KLRK1: variants seen among roughly 807,000 people sequenced by gnomAD.
KLRK1 encodes the protein NKG2-D type II integral membrane protein.
A neutral mutation model predicts 31.3 loss-of-function variants in KLRK1; 40 were observed. The ratio of observed to expected loss-of-function variants is 1.28; its 90% CI spans 0.99 to 1.67. KLRK1 has a LOEUF of 1.67. Among genes scored for constraint, KLRK1 ranks in the 40% most tolerant of loss-of-function variants. The probability of loss-of-function intolerance (pLI) is 0.00; values close to 1 mark genes in which losing one functional copy is unlikely to be tolerated. For missense variants in KLRK1, 251 were observed against 260.0 expected, an observed-to-expected ratio of 0.97 and a Z score of 0.24; for synonymous variants, 77 against 77.3, an observed-to-expected ratio of 1.00 and a Z score of 0.02.
chr12:10,385,744 C>T (rs1351368625), intron 3 of KLRK1, among the ~76,000 whole-genome samples: 1 of 151,848 alleles, frequency 6.6e-6, no homozygotes, highest in Admixed American at 6.6e-5. Flanking sequence ...TTTCAGATAG[C>T]TAGAAGAGAA....
chr12:10,372,942 C>A lies in KLRK1; in HGVS notation c.*172G>T. 1.7e-6 allele frequency: 1 copy of A among 594,648 alleles called. No homozygotes were observed. The highest frequency in any genetic ancestry group is 2.9e-6 in the Non-Finnish European group (1 of 345,252). 36.8% of individuals were successfully genotyped at this position (594,648 alleles called of 1,614,324 possible). A position where few individuals can be genotyped will look rare whatever the true frequency, so the allele number is the denominator to read the frequency against. ...TCTTCTTTTGTCTTGGAGAATCATG[C>A]ATGTTTGCAGTGAAATTGTTCTATG... On this transcript the variant is annotated 3_prime_UTR_variant, in exon 8 of 8. Coordinates refer to ENST00000240618, the MANE Select transcript of KLRK1 (RefSeq NM_007360.4).
At chr12:10,376,494 A>G (rs1196293060) in intron 7 of KLRK1, among the ~76,000 whole-genome samples, 1 of 152,200 alleles carries the variant, frequency 6.6e-6, no homozygotes, top group Non-Finnish European at 1.5e-5. Flanking sequence ...AATGGAAACA[A>G]AAAGTAGTAT....
chr12:10,386,116 G>A (rs1863163252), intron 3 of KLRK1, among the ~76,000 whole-genome samples: 1 of 151,446 alleles, frequency 6.6e-6, no homozygotes, highest in Non-Finnish European at 1.5e-5. Context: ...TTGACGGACT[G>A]TCAATTTTTT....
At chr12:10,378,470 T>TATATGTTCTAGGTTCATATTCCA in intron 6 of KLRK1, 84 bp downstream of exon 6, 1 of 1,569,560 alleles carries the variant, frequency 6.4e-7, no homozygotes, top group Non-Finnish European at 8.6e-7. Context: ...CAGTGTCCCT[T>TATATGTTCTAGGTTCATATTCCA]ATATGTTCTA....
chr12:10,374,630 G>C (rs1253091661), intron 7 of KLRK1, among the ~76,000 whole-genome samples: 2 of 143,246 alleles, frequency 1.4e-5, no homozygotes, highest in Non-Finnish European at 3.1e-5. Flanking sequence ...CCTGACCTCA[G>C]GTCCTCCCAA....
rs1468829399 is a variant in KLRK1 at position 10,378,141 on chromosome 12, G to A, written c.524C>T (p.Ser175Leu). The change falls in exon 7 of 8, where the codon TCA (serine) becomes TTA (leucine). Residue 175 changes from serine (S) to leucine (L), a missense_variant. Ser to Leu is a moderately radical substitution (Grantham distance 145, BLOSUM62 -2). Coordinates refer to ENST00000240618, the MANE Select transcript of KLRK1 (RefSeq NM_007360.4). ...TGGGTCAGAGACTTACAGGTTGGGT[G>A]AGAGAATGGAGCCATCTTCCCACTG... ...SWQWEDGSIL[S>L]PNLLTIIEMQ... The A allele has an allele frequency of 1.9e-6, 3 of 1,614,020 alleles. No homozygotes were observed. Among genetic ancestry groups the A allele is most frequent in the Middle Eastern group, 1.7e-4 (1 of 6,060 alleles).
chr12:10,382,568 C>G (rs1863095590), intron 3 of KLRK1, among the ~76,000 whole-genome samples: 1 of 152,078 alleles, frequency 6.6e-6, no homozygotes, highest in Non-Finnish European at 1.5e-5. Context: ...ACCACCAGAC[C>G]TGTCTTACAT....
At position 10,377,622 on chromosome 12, in the gene KLRK1, G is replaced by A. The variant is rs548062738; in HGVS notation, c.533+510C>T. On this transcript the variant is annotated intron_variant, in intron 7 of 7. Transcript: ENST00000240618. ...AACTGATTGACTGGAAAGAGAAAGAGGTAAGGACATAGGGACACAGAGGAG... is the reference window on the plus strand; with the variant it reads ...AACTGATTGACTGGAAAGAGAAAGAAGTAAGGACATAGGGACACAGAGGAG... Among the ~76,000 whole-genome samples the A allele has an allele frequency of 2.0e-5, 3 of 152,274 alleles. No individual in the cohort carries two copies. In the South Asian group the frequency reaches 6.2e-4, roughly 32 times the overall value.
rs1390913126 is a variant in KLRK1 at position 10,373,123 on chromosome 12, C to T, written c.642G>A (p.Arg214=). The part of the protein sequence containing the change: ...STPNTYICMQ[R]TV ...AGATGGTTGATCATCTTTACACAGTCCTTTGCATGCAGATGTACGTATTTG... is the reference window on the plus strand; with the variant it reads ...AGATGGTTGATCATCTTTACACAGTTCTTTGCATGCAGATGTACGTATTTG... The change falls in exon 8 of 8, where the codon AGG becomes AGA. Residue 214 remains arginine, a synonymous_variant. Transcript: ENST00000240618. 1 of 1,612,026 alleles carries T rather than the reference C, an allele frequency of 6.2e-7. No homozygotes were observed. Among genetic ancestry groups the T allele is most frequent in the Middle Eastern group, 1.7e-4 (1 of 6,060 alleles).
chr12:10,377,474 A>G (rs1050903305), intron 7 of KLRK1, among the ~76,000 whole-genome samples: 23 of 152,232 alleles, frequency 1.5e-4, no homozygotes, highest in Non-Finnish European at 3.1e-4. Context: ...TACTCATGCA[A>G]TGAGATGGCT....
At chr12:10,382,202 C>T (rs186017493) in intron 3 of KLRK1, 1 of 152,348 alleles carries the variant, frequency 6.6e-6, no homozygotes, top group East Asian at 1.9e-4. Flanking sequence ...AGAAAACTTT[C>T]CAAACCCAGA....
At chr12:10,378,851 C>G in intron 5 of KLRK1, 146 bp from the exon 6 acceptor site, 1 of 980,720 alleles carries the variant, frequency 1.0e-6, no homozygotes, top group Non-Finnish European at 1.4e-6. Flanking sequence ...CATATCTCTA[C>G]ATATTCATAG....
intron 2 of KLRK1, 53 bp from the exon 3 acceptor site, chr12:10,387,063 G>T: frequency 6.9e-7 from 1 of 1,440,160 alleles, no homozygotes; most frequent in East Asian, 2.5e-5. Context: ...TGCCATTTGG[G>T]GCATAAATTT....
chr12:10,388,511 T>G (rs1274268913), intron 2 of KLRK1, among the ~76,000 whole-genome samples: 1 of 152,164 alleles, frequency 6.6e-6, no homozygotes, highest in East Asian at 1.9e-4. Context: ...TGACTCCACA[T>G]CTATTTCACT....
At position 10,380,059 on chromosome 12, in the gene KLRK1, G is replaced by GT. The variant is rs1162094591; in HGVS notation, c.149-268dup. Among the ~76,000 whole-genome samples, 575 of 83,734 alleles carry GT rather than the reference G, an allele frequency of 6.9e-3. 8 individuals are homozygous for GT. Among genetic ancestry groups the GT allele is most frequent in the African/African-American group, 0.012 (249 of 21,544 alleles). 54.9% of individuals were successfully genotyped at this position (83,734 alleles called of 152,430 possible). On this transcript the variant is annotated intron_variant, in intron 3 of 7. Transcript: ENST00000240618. The stretch of plus-strand genomic sequence containing the variant: ...ATGCTTATGATTTTTTGTTGTTATT[G>GT]TTTTTTTTTTTTTTTTTTTTTTTTG...
Position 10,388,764 on chromosome 12 carries a change from A to C in KLRK1, c.40+7T>G, listed in dbSNP as rs2049796. ...CAAAACTACACACTTATGTGGTAAA[A>C]ACATACCCCAGCTGTGTCGAGACCT... On this transcript the variant is annotated splice_region_variant and intron_variant, in intron 2 of 7. Coordinates refer to ENST00000240618, the MANE Select transcript of KLRK1 (RefSeq NM_007360.4). The C allele has an allele frequency of 6.2e-7, 1 of 1,613,942 alleles. No homozygotes were observed. The highest frequency in any genetic ancestry group is 8.5e-7 in the Non-Finnish European group (1 of 1,179,930).
At chr12:10,387,990 A>AT (rs1863199332) in intron 2 of KLRK1, among the ~76,000 whole-genome samples, 1 of 152,232 alleles carries the variant, frequency 6.6e-6, no homozygotes, top group South Asian at 2.1e-4. Context: ...TTTACTGATG[A>AT]TTAATATTTA....
At chr12:10,386,706 G>A (rs762157077) in intron 3 of KLRK1, among the ~76,000 whole-genome samples, 197 bp downstream of exon 3, 2 of 151,292 alleles carry the variant, frequency 1.3e-5, no homozygotes, top group Admixed American at 1.3e-4. Flanking sequence ...ATTTTTTAGG[G>A]CGTGACAATA....
chr12:10,373,276 G>T, intron 7 of KLRK1, 45 bp from the exon 8 acceptor site: 1 of 1,479,012 alleles, frequency 6.8e-7, no homozygotes, highest in Non-Finnish European at 9.1e-7. Flanking sequence ...TTTTATTAAC[G>T]CGGGAAAATA....
Sources: allele counts gnomAD v4.1 joint callset (sites outside exome capture counted in the v4.1 genomes callset), GRCh38; gene constraint gnomAD v4.1.1; transcripts MANE v1.5; gene names NCBI Gene and HGNC (gene_info 2026-07-23, HGNC 2026-07-21).